Variants in ELOVL6 observed in about 807,000 individuals in gnomAD.
The protein encoded by ELOVL6 is ELOVL fatty acid elongase 6.
In ELOVL6, 8 loss-of-function variants were observed where a neutral mutation model predicts 31.7. The ratio of observed to expected loss-of-function variants is 0.25; its 90% CI spans 0.15 to 0.45. The LOEUF is 0.45. Ranked by LOEUF, ELOVL6 falls within the 20% of genes least tolerant of loss-of-function variation. The probability of loss-of-function intolerance (pLI) is 1.00; values close to 1 mark genes in which losing one functional copy is unlikely to be tolerated. For missense variants in ELOVL6, 126 were observed against 326.4 expected (o/e 0.39, Z 4.73); for synonymous variants, 101 against 117.7 (o/e 0.86, Z 0.92).
At position 110,084,408 on chromosome 4, in the gene ELOVL6, G is replaced by GCATATATGATATATGATATATC. The variant is rs1560815251; in HGVS notation, c.221+21088_221+21089insGATATATCATATATCATATATG. Among the ~76,000 whole-genome samples the GCATATATGATATATGATATATC allele has an allele frequency of 3.6e-4, 10 of 27,404 alleles. 2 individuals carry two copies. The highest frequency in any genetic ancestry group is 8.3e-4 in the Non-Finnish European group (10 of 12,108). The allele number at this position is 27,404 out of a possible 152,430, so 18.0% of individuals were successfully genotyped here. ...ATCGCATATATGATATATGATATAT[G>GCATATATGATATATGATATATC]ACATACATGATATATCACATATATC... On this transcript the variant is annotated intron_variant, in intron 2 of 3. Coordinates refer to ENST00000302274, the MANE Select transcript of ELOVL6 (RefSeq NM_024090.3).
chr4:110,139,453 AT>A (rs150419212), intron 1 of ELOVL6, among the ~76,000 whole-genome samples: 1 of 152,042 alleles, frequency 6.6e-6, no homozygotes, highest in Non-Finnish European at 1.5e-5. Flanking sequence ...CCTGTTAAAG[AT>A]TTTTTCTTTT....
At chr4:110,094,427 ATATATAT>A (rs1756511715) in intron 2 of ELOVL6, among the ~76,000 whole-genome samples, 1 of 63,986 alleles carries the variant, frequency 1.6e-5, no homozygotes, top group African/African-American at 5.8e-5. Context: ...ATATATATAT[ATATATAT>A]ATATATATAA....
At chr4:110,116,843 C>A (rs1757182153) in intron 1 of ELOVL6, among the ~76,000 whole-genome samples, 1 of 152,232 alleles carries the variant, frequency 6.6e-6, no homozygotes, top group South Asian at 2.1e-4. Flanking sequence ...CCCAGATGGC[C>A]TGCTAGCAGC....
chr4:110,102,281 G>C (rs965400631), intron 2 of ELOVL6, among the ~76,000 whole-genome samples: 1 of 152,146 alleles, frequency 6.6e-6, no homozygotes, highest in Non-Finnish European at 1.5e-5. Context: ...TTAAATGAAA[G>C]AGAACACAAT....
chr4:110,128,041 C>CA (rs372209158), intron 1 of ELOVL6, among the ~76,000 whole-genome samples: 3,354 of 119,604 alleles, frequency 0.028, 63 homozygotes, highest in Middle Eastern at 0.043. Context: ...GATCCTGTCT[C>CA]AAAAAAAAAA....
At position 110,050,957 on chromosome 4, in the gene ELOVL6, C is replaced by T. The variant is rs1282768612; in HGVS notation, c.*381G>A. The T allele has an allele frequency of 1.9e-5, 4 of 205,336 alleles. No individual in the cohort carries two copies. In the East Asian group the frequency reaches 5.1e-4, roughly 26 times the overall value. The allele number at this position is 205,336 out of a possible 1,614,324, so 12.7% of individuals were successfully genotyped here. On this transcript the variant is annotated 3_prime_UTR_variant, in exon 4 of 4. Coordinates refer to ENST00000302274, the MANE Select transcript of ELOVL6 (RefSeq NM_024090.3). Reference sequence around the variant, plus strand: ...CTCGCACAGTTTCTAGAGTAAAAATCTTTCATCTTAGAGAAATGTGACACT... The same window carrying T: ...CTCGCACAGTTTCTAGAGTAAAAATTTTTCATCTTAGAGAAATGTGACACT...
chr4:110,156,866 C>A (rs1202306198), intron 1 of ELOVL6, among the ~76,000 whole-genome samples: 2 of 152,102 alleles, frequency 1.3e-5, no homozygotes, highest in Non-Finnish European at 2.9e-5. Flanking sequence ...TGAAAAGCAT[C>A]CACACTGAAA....
intron 2 of ELOVL6, among the ~76,000 whole-genome samples, chr4:110,090,660 A>G (rs886981183): frequency 1.5e-5 from 2 of 132,460 alleles, no homozygotes; most frequent in African/African-American, 3.0e-5. Context: ...GCTGGAGTGC[A>G]GTGGCATGAT....
intron 1 of ELOVL6, among the ~76,000 whole-genome samples, chr4:110,119,198 A>G (rs894660430): frequency 1.3e-5 from 2 of 152,186 alleles, no homozygotes; most frequent in African/African-American, 2.4e-5. Flanking sequence ...TTGGGAGGCC[A>G]AGGCAGGTGA....
chr4:110,060,712 C>A (rs949419558), intron 2 of ELOVL6, among the ~76,000 whole-genome samples: 3 of 152,224 alleles, frequency 2.0e-5, no homozygotes, highest in Middle Eastern at 3.4e-3. Flanking sequence ...ATGCCCGGGA[C>A]TGAAAGGAGA....
chr4:110,090,600 C>CTTTTTTTTTTTTTTTTTTT (rs544234717), intron 2 of ELOVL6, among the ~76,000 whole-genome samples: 9 of 103,710 alleles, frequency 8.7e-5, no homozygotes, highest in Non-Finnish European at 1.3e-4. Context: ...GTTTGACTTT[C>CTTTTTTTTTTTTTTTTTTT]TTTTTTTTTT....
intron 2 of ELOVL6, among the ~76,000 whole-genome samples, chr4:110,084,225 G>A (rs1352216802): frequency 1.4e-5 from 1 of 69,842 alleles, no homozygotes; most frequent in Non-Finnish European, 2.5e-5. Flanking sequence ...TAACTTATAT[G>A]ATATATATAA....
chr4:110,188,812 A>T (rs1238778272), intron 1 of ELOVL6, among the ~76,000 whole-genome samples: 2 of 148,978 alleles, frequency 1.3e-5, no homozygotes, highest in Non-Finnish European at 3.0e-5. Flanking sequence ...AGTTGCTTGA[A>T]CCTGGGAGGC....
intron 1 of ELOVL6, among the ~76,000 whole-genome samples, chr4:110,194,377 A>G (rs1239206497): frequency 6.6e-6 from 1 of 152,218 alleles, no homozygotes; most frequent in East Asian, 1.9e-4. Context: ...ACCAGACAGG[A>G]TATTTTTCAC....
intron 1 of ELOVL6, among the ~76,000 whole-genome samples, chr4:110,189,734 C>T (rs1345901151): frequency 6.6e-6 from 1 of 151,604 alleles, no homozygotes; most frequent in Middle Eastern, 3.4e-3. Flanking sequence ...TTTGGGAGGC[C>T]GAGGTGGGCA....
chr4:110,120,161 C>T (rs760113899), intron 1 of ELOVL6, among the ~76,000 whole-genome samples: 1 of 152,106 alleles, frequency 6.6e-6, no homozygotes, highest in East Asian at 1.9e-4. Flanking sequence ...ATTGCTTATG[C>T]TGGCATGCAC....
chr4:110,114,261 T>C (rs1036186606), intron 1 of ELOVL6, among the ~76,000 whole-genome samples: 1 of 152,192 alleles, frequency 6.6e-6, no homozygotes, highest in Admixed American at 6.5e-5. Flanking sequence ...TCATCTATTT[T>C]CCTAAATATA....
intron 1 of ELOVL6, among the ~76,000 whole-genome samples, chr4:110,156,514 C>T (rs566268246): frequency 1.3e-5 from 2 of 152,058 alleles, no homozygotes; most frequent in Non-Finnish European, 2.9e-5. Context: ...AGAGAGACCC[C>T]GTCTCCACAA....
At chr4:110,122,210 A>C (rs1341528453) in intron 1 of ELOVL6, among the ~76,000 whole-genome samples, 1 of 152,212 alleles carries the variant, frequency 6.6e-6, no homozygotes, top group Non-Finnish European at 1.5e-5. Flanking sequence ...GGAAATGTAA[A>C]CATTAAATTA....
Sources: gnomAD v4.1 joint callset for allele counts (sites outside exome capture counted in the v4.1 genomes callset) on GRCh38, gnomAD v4.1.1 for gene constraint, MANE v1.5 for transcripts, NCBI Gene and HGNC (gene_info 2026-07-23, HGNC 2026-07-21) for gene names.